Variants in MLXIPL observed in about 807,000 individuals in gnomAD.
The protein encoded by MLXIPL is MLX interacting protein like.
Under a neutral mutation model 81.5 loss-of-function variants are expected in MLXIPL, and 49 were observed. That is an observed-to-expected ratio of 0.60 (90% confidence interval 0.48 to 0.76). The LOEUF (loss-of-function observed/expected upper bound fraction) is 0.76. MLXIPL is among the 30% of genes least tolerant of loss of function. The pLI is 0.00. For missense variants in MLXIPL, 1,053 were observed against 1,167.0 expected (o/e 0.90, Z 1.42); for synonymous variants, 466 against 485.5 (o/e 0.96, Z 0.53).
the MLXIPL span, among the ~76,000 whole-genome samples, chr7:73,644,456 C>A: frequency 1.3e-5 from 2 of 152,122 alleles, no homozygotes; most frequent in African/African-American, 4.8e-5. Context: ...ACGATCCACC[C>A]GTCTCAGCCT....
the MLXIPL span, among the ~76,000 whole-genome samples, chr7:73,630,745 G>T: frequency 6.6e-6 from 1 of 152,210 alleles, no homozygotes; most frequent in African/African-American, 2.4e-5. Flanking sequence ...GCTGGCCATT[G>T]TGCAGGAGGA....
intron 7 of MLXIPL, among the ~76,000 whole-genome samples, chr7:73,602,539 G>T (rs1369142633): frequency 3.3e-5 from 5 of 151,932 alleles, no homozygotes; most frequent in African/African-American, 1.2e-4. Flanking sequence ...AATTAGTCAG[G>T]CGTGGTGGCG....
At chr7:73,638,668 G>C in the MLXIPL span, among the ~76,000 whole-genome samples, 5 of 152,036 alleles carry the variant, frequency 3.3e-5, no homozygotes, top group Admixed American at 1.3e-4. Flanking sequence ...TGTGGCCCAG[G>C]TTGGAGTGCA....
chr7:73,640,676 C>G, the MLXIPL span, among the ~76,000 whole-genome samples: 2 of 150,168 alleles, frequency 1.3e-5, no homozygotes, highest in African/African-American at 4.9e-5. Flanking sequence ...ACTCAGGAGG[C>G]TGAGGCAGGA....
intron 9 of MLXIPL, 29 bp downstream of exon 9, chr7:73,597,153 G>C (rs1794398494): frequency 1.9e-6 from 3 of 1,584,248 alleles, no homozygotes; most frequent in African/African-American, 1.3e-5. Context: ...CCCTCCCCAG[G>C]CTTTCCTCTC....
intron 2 of MLXIPL, among the ~76,000 whole-genome samples, chr7:73,612,360 G>C (rs934965407): frequency 6.6e-6 from 1 of 151,844 alleles, no homozygotes; most frequent in Non-Finnish European, 1.5e-5. Flanking sequence ...AGTTTGTTAG[G>C]CCAGGCGCGG....
intron 2 of MLXIPL, among the ~76,000 whole-genome samples, chr7:73,613,294 G>A (rs1795812378): frequency 6.6e-6 from 1 of 152,146 alleles, no homozygotes; most frequent in South Asian, 2.1e-4. Flanking sequence ...AAAACTCAGT[G>A]AACCTCAGAA....
At chr7:73,594,159 C>A in intron 16 of MLXIPL, 115 bp downstream of exon 16, 1 of 1,542,796 alleles carries the variant, frequency 6.5e-7, no homozygotes, top group East Asian at 2.2e-5. Flanking sequence ...TGCGGGGTGG[C>A]CACAACCCTA....
the MLXIPL span, among the ~76,000 whole-genome samples, chr7:73,647,640 T>C: frequency 6.6e-6 from 1 of 152,132 alleles, no homozygotes; most frequent in Non-Finnish European, 1.5e-5. Flanking sequence ...TATGAACCCC[T>C]TCAACCCAGC....
chr7:73,630,050 T>C, the MLXIPL span, among the ~76,000 whole-genome samples: 1 of 151,578 alleles, frequency 6.6e-6, no homozygotes, highest in Non-Finnish European at 1.5e-5. Flanking sequence ...CAGGCAGGAG[T>C]GCAGTGGCAC....
intron 7 of MLXIPL, among the ~76,000 whole-genome samples, chr7:73,603,287 T>C (rs1554596915): frequency 6.6e-6 from 1 of 152,136 alleles, no homozygotes; most frequent in South Asian, 2.1e-4. Context: ...TGGCCCACAC[T>C]TTTTCCCCCA....
chr7:73,596,866 G>C lies in MLXIPL; in HGVS notation c.1670C>G (p.Pro557Arg), dbSNP rs374933053. The C allele has an allele frequency of 1.2e-6, 2 of 1,611,046 alleles. No individual in the cohort carries two copies. The highest frequency in any genetic ancestry group is 1.7e-6 in the Non-Finnish European group (2 of 1,179,452). Residue 557 changes from proline (P) to arginine (R), a missense_variant and splice_region_variant, in exon 10 of 17, where the codon CCG becomes CGG. By Grantham distance (103) the Pro-to-Arg change is moderately radical. Coordinates refer to ENST00000313375, the MANE Select transcript of MLXIPL (RefSeq NM_032951.3). The surrounding 1 kb of genome is among the most constrained non-coding windows in gnomAD (Gnocchi z 4.7). ...ACCGCCCAGTGCCCGAGATCTTACC[G>C]GGGACCCTGGGGACCGGAGGAGGGT... Reference protein sequence around the residue: ...SSTLLRSPGSPQETVPEFPCT... With the variant: ...SSTLLRSPGSRQETVPEFPCT...
the MLXIPL span, among the ~76,000 whole-genome samples, chr7:73,635,878 C>A: frequency 6.6e-6 from 1 of 152,312 alleles, no homozygotes; most frequent in South Asian, 2.1e-4. Flanking sequence ...CACATATTAA[C>A]CGCCTGCTGA....
the MLXIPL span, among the ~76,000 whole-genome samples, chr7:73,635,418 C>A: frequency 6.6e-6 from 1 of 152,084 alleles, no homozygotes; most frequent in Non-Finnish European, 1.5e-5. Flanking sequence ...TTCATCTATA[C>A]TCTAATAGTC....
the MLXIPL span, among the ~76,000 whole-genome samples, chr7:73,646,728 C>T: frequency 2.6e-5 from 4 of 152,294 alleles, no homozygotes; most frequent in Admixed American, 2.0e-4. Flanking sequence ...TTCCCTGGGG[C>T]GGACCTGAGA....
chr7:73,606,949 C>A (rs910457668), intron 5 of MLXIPL, 25 bp downstream of exon 5: 1 of 1,612,678 alleles, frequency 6.2e-7, no homozygotes, highest in East Asian at 2.2e-5. Flanking sequence ...GATGCCCTTG[C>A]CTGCTGGACT....
At chr7:73,638,970 T>A in the MLXIPL span, among the ~76,000 whole-genome samples, 3 of 150,726 alleles carry the variant, frequency 2.0e-5, no homozygotes, top group Non-Finnish European at 3.0e-5. Flanking sequence ...TTAAATTAAG[T>A]AGAGAGGAGA....
At chr7:73,630,176 T>A in the MLXIPL span, among the ~76,000 whole-genome samples, 4 of 151,684 alleles carry the variant, frequency 2.6e-5, no homozygotes, top group Non-Finnish European at 5.9e-5. Context: ...TTTTTGTACT[T>A]TTAGTACAGG....
Position 73,595,677 on chromosome 7 carries a change from T to C in MLXIPL, c.2270A>G (p.Tyr757Cys). Reference protein sequence around the residue: ...FDQMRDMFDDYVRTRTLHNWK... With the variant: ...FDQMRDMFDDCVRTRTLHNWK... The stretch of plus-strand genomic sequence containing the variant: ...GTTGTGCAGCGTACGGGTTCGGACG[T>C]AGTCATCAAACATGTCTCGCATCTG... Residue 757 changes from tyrosine (Y) to cysteine (C), a missense_variant, in exon 15 of 17, where the codon TAC (tyrosine) becomes TGC (cysteine). Transcript: ENST00000313375. The C allele has an allele frequency of 6.2e-7, 1 of 1,614,084 alleles. No individual in the cohort carries two copies. Among genetic ancestry groups the C allele is most frequent in the Non-Finnish European group, 8.5e-7 (1 of 1,179,996 alleles).
Sources: allele counts gnomAD v4.1 joint callset (sites outside exome capture counted in the v4.1 genomes callset), GRCh38; gene constraint gnomAD v4.1.1; non-coding constraint Gnocchi (gnomAD v3.1); transcripts MANE v1.5; gene names NCBI Gene and HGNC (gene_info 2026-07-23, HGNC 2026-07-21).